SLX4IP: variants seen among roughly 807,000 people sequenced by gnomAD.
SLX4IP encodes SLX4 interacting protein, also known as protein SLX4IP.
In SLX4IP, 34 loss-of-function variants were observed where a neutral mutation model predicts 32.9. The ratio of observed to expected loss-of-function variants is 1.03; its 90% confidence interval spans 0.79 to 1.38. The LOEUF is 1.38. Ranked by LOEUF, SLX4IP falls within the 40% of genes most tolerant of loss-of-function variation. The pLI is 0.00. For missense variants in SLX4IP, 444 were observed against 479.0 expected (o/e 0.93, Z 0.68); for synonymous variants, 172 against 171.7 (o/e 1.00, Z -0.01).
rs550754403 is a variant in SLX4IP, at chr20:10,451,555, C to T, written c.-29-6621C>T. Reference sequence around the variant, plus strand: ...TTGAGCACCTGACACATGACCAGTCCAAATTGAGATGTCCTAGAAATATAA... The same window carrying T: ...TTGAGCACCTGACACATGACCAGTCTAAATTGAGATGTCCTAGAAATATAA... On this transcript the variant is annotated intron_variant, in intron 1 of 7. Coordinates refer to ENST00000334534, the MANE Select transcript of SLX4IP (RefSeq NM_001009608.3). 1.3e-5 allele frequency among the ~76,000 whole-genome samples: 2 copies of T among 152,140 alleles called. 1 individual carries two copies. The highest frequency in any genetic ancestry group is 4.1e-4 in the South Asian group (2 of 4,832).
At chr20:10,473,606 CT>C (rs33939350) in intron 2 of SLX4IP, among the ~76,000 whole-genome samples, 119,122 of 136,026 alleles carry the variant, frequency 0.88, 52,388 homozygotes, top group South Asian at 0.95. Flanking sequence ...AGTTCTGTTT[CT>C]TTTTTTTTTT....
chr20:10,551,489 A>C (rs1051645351), intron 2 of SLX4IP, among the ~76,000 whole-genome samples: 5 of 151,910 alleles, frequency 3.3e-5, no homozygotes, highest in African/African-American at 1.2e-4. Context: ...TGTTTTTTTC[A>C]TTTGTCTTCC....
At position 10,486,473 on chromosome 20, in the gene SLX4IP, A is replaced by G. The variant is rs2065575475; in HGVS notation, c.27+28242A>G. The stretch of plus-strand genomic sequence containing the variant: ...GAACTGGTGTGCCAGGCTCTTTCCT[A>G]TATACTTTCCTTAAACCCTCACAAC... On this transcript the variant is annotated intron_variant, in intron 2 of 7. Transcript: ENST00000334534. Among the ~76,000 whole-genome samples, 3 of 152,284 alleles carry G rather than the reference A, an allele frequency of 2.0e-5. No homozygotes were observed. The South Asian group carries it at 6.2e-4, about 32-fold the overall frequency.
At chr20:10,578,237 C>T (rs1178129759) in intron 4 of SLX4IP, among the ~76,000 whole-genome samples, 3 of 152,128 alleles carry the variant, frequency 2.0e-5, no homozygotes, top group African/African-American at 2.4e-5. Context: ...CTTCATTTTC[C>T]CCAATACCCC....
chr20:10,566,549 G>C (rs970970875), intron 4 of SLX4IP, among the ~76,000 whole-genome samples: 1 of 151,986 alleles, frequency 6.6e-6, no homozygotes, highest in Non-Finnish European at 1.5e-5. Flanking sequence ...CCAGTCCTTC[G>C]TTCCAGGAAC....
At chr20:10,466,918 A>G (rs979188947) in intron 2 of SLX4IP, among the ~76,000 whole-genome samples, 7 of 152,070 alleles carry the variant, frequency 4.6e-5, no homozygotes, top group Admixed American at 2.0e-4. Context: ...CTTTCAGAGC[A>G]ATTATAGTTT....
In SLX4IP at chr20:10,623,211, C is replaced by T. The variant is rs2067136479; in HGVS notation, c.1059C>T (p.Thr353=). 9.3e-6 allele frequency: 15 copies of T among 1,614,160 alleles called. 1 individual carries two copies. The highest frequency in any genetic ancestry group is 1.3e-5 in the Non-Finnish European group (15 of 1,180,038). The part of the protein sequence containing the change: ...GLLLKQDLAK[T]TSKEELHVLE... ...TTTTGAAACAAGATTTGGCAAAAAC[C>T]ACGTCTAAGGAAGAGTTGCATGTTT... Residue 353 remains threonine, a synonymous_variant, in exon 8 of 8, where the codon ACC becomes ACT. Transcript: ENST00000334534.
intron 2 of SLX4IP, among the ~76,000 whole-genome samples, chr20:10,483,494 A>G (rs547794650): frequency 6.6e-6 from 1 of 152,322 alleles, no homozygotes; most frequent in East Asian, 1.9e-4. Flanking sequence ...AAACAAAATG[A>G]TTATCAAGAA....
chr20:10,559,283 C>T (rs674491), intron 3 of SLX4IP, among the ~76,000 whole-genome samples: 86,612 of 152,090 alleles, frequency 0.57, 25,326 homozygotes, highest in South Asian at 0.73. Flanking sequence ...AGTGTTTGTA[C>T]TTTATCTAGA....
intron 2 of SLX4IP, among the ~76,000 whole-genome samples, chr20:10,526,074 C>T (rs1211266434): frequency 2.0e-5 from 3 of 152,116 alleles, no homozygotes; most frequent in East Asian, 1.9e-4. Flanking sequence ...CCTGCATTTC[C>T]GGTCTCACCT....
intron 6 of SLX4IP, among the ~76,000 whole-genome samples, chr20:10,614,427 A>G (rs1264214579): frequency 6.6e-6 from 1 of 152,176 alleles, no homozygotes; most frequent in Non-Finnish European, 1.5e-5. Flanking sequence ...ATGGCTATGA[A>G]GGATACTAGG....
Position 10,509,734 on chromosome 20 carries a change from T to C in SLX4IP, c.28-46497T>C, listed in dbSNP as rs1003419581. Among the ~76,000 whole-genome samples the C allele has an allele frequency of 2.6e-5, 4 of 152,238 alleles. No homozygotes were observed. The South Asian group carries it at 8.3e-4, about 32-fold the overall frequency. ...TTTTAAGCCACAGAGTCTCACTTTC[T>C]TGCCCAGGCTGGAATGCAGTGGTGC... is the stretch of plus-strand genomic sequence containing the variant. On this transcript the variant is annotated intron_variant, in intron 2 of 7. Transcript: ENST00000334534.
At chr20:10,614,014 G>C in intron 6 of SLX4IP, 1 of 1,331,748 alleles carries the variant, frequency 7.5e-7, no homozygotes, top group Non-Finnish European at 1.1e-6. Flanking sequence ...CTGTCACCGA[G>C]AATGGAATAG....
intron 4 of SLX4IP, among the ~76,000 whole-genome samples, chr20:10,567,856 G>A (rs7344524): frequency 0.21 from 31,943 of 152,058 alleles, 3,492 homozygotes; most frequent in African/African-American, 0.24. Flanking sequence ...TCCACCCTGA[G>A]TGAGGTTATA....
intron 2 of SLX4IP, among the ~76,000 whole-genome samples, chr20:10,518,535 TTCCTTCCTTC>T (rs2065877740): frequency 1.5e-5 from 2 of 135,176 alleles, no homozygotes; most frequent in African/African-American, 2.8e-5. Context: ...CCTTCCTTCC[TTCCTTCCTTC>T]CTTCCTTTCC....
chr20:10,564,067 A>G (rs2066361554), intron 4 of SLX4IP, among the ~76,000 whole-genome samples: 1 of 152,190 alleles, frequency 6.6e-6, no homozygotes, highest in Non-Finnish European at 1.5e-5. Flanking sequence ...CACTGATGAC[A>G]GAGGTTCATT....
intron 1 of SLX4IP, among the ~76,000 whole-genome samples, chr20:10,442,361 A>G (rs6077795): frequency 0.49 from 74,522 of 151,974 alleles, 19,747 homozygotes; most frequent in Non-Finnish European, 0.6. Flanking sequence ...AATTTTTTAA[A>G]GCTCTTAGGA....
At chr20:10,535,126 G>T (rs756401596) in intron 2 of SLX4IP, among the ~76,000 whole-genome samples, 1 of 152,100 alleles carries the variant, frequency 6.6e-6, no homozygotes, top group East Asian at 1.9e-4. Flanking sequence ...GCAGGAGAGA[G>T]ACCAGGGAAG....
At chr20:10,462,104 A>G (rs1313238506) in intron 2 of SLX4IP, among the ~76,000 whole-genome samples, 2 of 152,232 alleles carry the variant, frequency 1.3e-5, no homozygotes, top group Admixed American at 1.3e-4. Flanking sequence ...AAATGAAAAT[A>G]TGATAAAGTA....
Sources: allele counts gnomAD v4.1 joint callset (sites outside exome capture counted in the v4.1 genomes callset), GRCh38; gene constraint gnomAD v4.1.1; transcripts MANE v1.5; gene names NCBI Gene and HGNC (gene_info 2026-07-23, HGNC 2026-07-21).